STAM2: variants seen among roughly 807,000 people sequenced by gnomAD.
The protein encoded by STAM2 is signal transducing adapter molecule 2.
A neutral mutation model predicts 65.6 loss-of-function variants in STAM2; 51 were observed. That is an observed-to-expected ratio of 0.78 (90% CI 0.62 to 0.98). STAM2 has a LOEUF of 0.98. Among genes scored for constraint, STAM2 ranks in the 50% least tolerant of loss-of-function variants. The probability of loss-of-function intolerance (pLI) is 0.00; values close to 1 mark genes in which losing one functional copy is unlikely to be tolerated. For synonymous variants in STAM2, 198 were observed against 208.4 expected (o/e 0.95, Z 0.43); for missense variants, 584 against 617.8 (o/e 0.95, Z 0.58).
intron 11 of STAM2, among the ~76,000 whole-genome samples, chr2:152,128,544 C>G (rs970142037): frequency 4.6e-5 from 7 of 152,078 alleles, no homozygotes; most frequent in African/African-American, 1.7e-4. Context: ...TGATGAAACA[C>G]CAGGAAAATG....
rs1288321707 is a variant in STAM2, at chr2:152,117,248, T to A, written c.*3326A>T. The A allele has an allele frequency of 1.3e-5, 2 of 152,136 alleles. No individual in the cohort carries two copies. Among genetic ancestry groups the A allele is most frequent in the African/African-American group, 4.8e-5 (2 of 41,420 alleles). The allele number at this position is 152,136 out of a possible 1,614,324, so 9.4% of individuals were successfully genotyped here. ...CGGAGTGCAGTGGCGTGATCACACC[T>A]CACTGCAGCCTCAAGCAATACTCCC... On this transcript the variant is annotated 3_prime_UTR_variant, in exon 14 of 14. Coordinates refer to ENST00000263904, the MANE Select transcript of STAM2 (RefSeq NM_005843.6).
At chr2:152,137,733 A>AT (rs375658225) in intron 7 of STAM2, among the ~76,000 whole-genome samples, 62 of 146,122 alleles carry the variant, frequency 4.2e-4, no homozygotes, top group Middle Eastern at 3.5e-3. Flanking sequence ...TAGTTTTTTT[A>AT]TTTTTTTTTT....
intron 12 of STAM2, chr2:152,126,004 A>G: frequency 2.6e-6 from 1 of 379,462 alleles, no homozygotes; most frequent in African/African-American, 2.1e-5. Context: ...CTTTTCATCC[A>G]TGTTAAAACT....
chr2:152,120,691 CAT>C lies in STAM2; in HGVS notation c.1459_1460del (p.Met487ValfsTer47). 6.2e-7 allele frequency: 1 copy of C among 1,614,174 alleles called. No individual in the cohort carries two copies. Among genetic ancestry groups the C allele is most frequent in the Non-Finnish European group, 8.5e-7 (1 of 1,180,024 alleles). Reference protein sequence around the residue: ...YTQQMGMSVDMSSYQNTTSNL... With the variant: ...YTQQMGMSVDXSSYQNTTSNL... ...TGGAAGTAGTGTTCTGATAAGATGACATATCCACAGACATCCCCATTTGCTGT... is the reference window on the plus strand; with the variant it reads ...TGGAAGTAGTGTTCTGATAAGATGACATCCACAGACATCCCCATTTGCTGT... On this transcript the variant is annotated frameshift_variant, in exon 14 of 14. Transcript: ENST00000263904. LOFTEE classifies it high-confidence loss of function.
intron 1 of STAM2, among the ~76,000 whole-genome samples, chr2:152,171,758 G>A (rs926800879): frequency 4.6e-5 from 7 of 152,214 alleles, no homozygotes; most frequent in African/African-American, 1.7e-4. Context: ...TAGAATTTGA[G>A]CTCAGCTTTG....
At chr2:152,153,645 C>T (rs1192944958) in intron 1 of STAM2, among the ~76,000 whole-genome samples, 2 of 152,148 alleles carry the variant, frequency 1.3e-5, no homozygotes, top group African/African-American at 4.8e-5. Context: ...AAATGCTACG[C>T]AGGCAAAACA....
At chr2:152,126,880 T>G (rs1016160788) in intron 11 of STAM2, among the ~76,000 whole-genome samples, 14 of 152,154 alleles carry the variant, frequency 9.2e-5, no homozygotes, top group Admixed American at 5.9e-4. Flanking sequence ...CAAAGAAATA[T>G]AACTTTGTAA....
At chr2:152,132,082 T>C in intron 11 of STAM2, 32 bp downstream of exon 11, 6 of 1,530,658 alleles carry the variant, frequency 3.9e-6, no homozygotes, top group Non-Finnish European at 5.3e-6. Context: ...CCCCCAAAAC[T>C]ATACTTTTTA....
At chr2:152,149,740 T>C (rs1293584039) in intron 2 of STAM2, among the ~76,000 whole-genome samples, 2 of 152,168 alleles carry the variant, frequency 1.3e-5, no homozygotes. Flanking sequence ...TCAAGTGATC[T>C]GCTCGCCTCG....
At chr2:152,173,309 T>C (rs957045149) in intron 1 of STAM2, among the ~76,000 whole-genome samples, 2 of 150,168 alleles carry the variant, frequency 1.3e-5, no homozygotes, top group East Asian at 3.9e-4. Context: ...ACATCTCAAG[T>C]CAAATAATGA....
At chr2:152,126,143 C>A in intron 12 of STAM2, 83 bp downstream of exon 12, 1 of 1,144,856 alleles carries the variant, frequency 8.7e-7, no homozygotes, top group East Asian at 3.0e-5. Context: ...CAAAAGAAAT[C>A]TTAATACTAT....
At chr2:152,139,047 A>C (rs914202878) in intron 7 of STAM2, among the ~76,000 whole-genome samples, 1 of 152,144 alleles carries the variant, frequency 6.6e-6, no homozygotes, top group Non-Finnish European at 1.5e-5. Flanking sequence ...CCCAGCCCTA[A>C]TCCAGCTCTA....
At chr2:152,137,264 G>A (rs1409778425) in intron 7 of STAM2, among the ~76,000 whole-genome samples, 2 of 151,748 alleles carry the variant, frequency 1.3e-5, no homozygotes, top group African/African-American at 4.8e-5. Context: ...TCCTCCCCCC[G>A]GTTGCATGTA....
rs1395737153 is a variant in STAM2, at chr2:152,135,549, G to A, written c.759C>T (p.Ser253=). The A allele has an allele frequency of 6.2e-7, 1 of 1,612,526 alleles. No individual in the cohort carries two copies. Among genetic ancestry groups the A allele is most frequent in the African/African-American group, 1.3e-5 (1 of 74,960 alleles). ...ENHRGIGLFP[S]NFVTTNLNIE... ...TGTTTAAATTAGTTGTTACAAAATT[G>A]GATGGGAAAAGTCCTATTCCTCTGT... is the stretch of plus-strand genomic sequence containing the variant. The change falls in exon 8 of 14, where the codon TCC becomes TCT. Residue 253 remains serine (S), a synonymous_variant. Transcript: ENST00000263904.
rs531179003 is a variant in STAM2, at chr2:152,128,336, C to G, written c.1026-1957G>C. Among the ~76,000 whole-genome samples the G allele has an allele frequency of 5.9e-5, 9 of 151,988 alleles. No homozygotes were observed. In the South Asian group the frequency reaches 1.9e-3, roughly 32 times the overall value. On this transcript the variant is annotated intron_variant, in intron 11 of 13. Coordinates refer to ENST00000263904, the MANE Select transcript of STAM2 (RefSeq NM_005843.6). ...GCTGAGGGAAGAGAATGGTGTGAAC[C>G]CAGGAGGCGGAGGTTACAGTGAGCC...
chr2:152,134,162 T>C, intron 8 of STAM2, among the ~76,000 whole-genome samples: 1 of 152,102 alleles, frequency 6.6e-6, no homozygotes, highest in East Asian at 1.9e-4. Flanking sequence ...AAAATAAAAC[T>C]ACAATAAAAA....
intron 1 of STAM2, among the ~76,000 whole-genome samples, chr2:152,172,874 A>G (rs1025056717): frequency 7.9e-5 from 12 of 152,008 alleles, no homozygotes; most frequent in South Asian, 2.1e-4. Context: ...AAAAAAAAAA[A>G]AAAGAAAAAG....
intron 1 of STAM2, among the ~76,000 whole-genome samples, chr2:152,153,380 T>C (rs1689482687): frequency 6.6e-6 from 1 of 152,104 alleles, no homozygotes; most frequent in Non-Finnish European, 1.5e-5. Flanking sequence ...TCTTTTTTTT[T>C]TTTAATAGCA....
intron 1 of STAM2, among the ~76,000 whole-genome samples, chr2:152,158,274 G>A (rs1263718092): frequency 6.6e-6 from 1 of 152,012 alleles, no homozygotes; most frequent in Non-Finnish European, 1.5e-5. Flanking sequence ...CAAGAGATCC[G>A]AGACCATCTG....
Sources: allele counts gnomAD v4.1 joint callset (sites outside exome capture counted in the v4.1 genomes callset), GRCh38; gene constraint gnomAD v4.1.1; transcripts MANE v1.5; gene names NCBI Gene and HGNC (gene_info 2026-07-23, HGNC 2026-07-21).